NEBL: variants seen among roughly 807,000 people sequenced by gnomAD.
NEBL encodes LIM and SH3 protein 2.
A neutral mutation model predicts 140.2 loss-of-function variants in NEBL; 122 were observed. That is an observed-to-expected ratio of 0.87 (90% CI 0.75 to 1.01). The LOEUF (loss-of-function observed/expected upper bound fraction) is 1.01, where lower values mean the gene tolerates loss of function less well. Among genes scored for constraint, NEBL ranks in the 50% least tolerant of loss-of-function variants. The pLI, the probability that NEBL is intolerant of heterozygous loss-of-function variation, is 0.00. For synonymous variants in NEBL, 436 were observed against 398.9 expected (o/e 1.09, Z -1.11); for missense variants, 1,365 against 1,231.3 (o/e 1.11, Z -1.62).
chr10:21,148,340 C>T (rs574891502), intron 2 of NEBL, among the ~76,000 whole-genome samples: 1 of 152,290 alleles, frequency 6.6e-6, no homozygotes, highest in South Asian at 2.1e-4. Flanking sequence ...CAATAAGTAT[C>T]TCTTCTGTTA....
chr10:20,894,827 G>C (rs1847329253), intron 2 of NEBL, among the ~76,000 whole-genome samples: 1 of 150,718 alleles, frequency 6.6e-6, no homozygotes, highest in African/African-American at 2.4e-5. Context: ...TACTCGGGTG[G>C]CTGAGGCAGG....
intron 2 of NEBL, among the ~76,000 whole-genome samples, chr10:21,083,188 T>A (rs1371871061): frequency 6.6e-6 from 1 of 152,196 alleles, no homozygotes; most frequent in East Asian, 1.9e-4. Context: ...CTTTAGAGAA[T>A]AGAAACACAA....
At chr10:21,210,596 A>G (rs1841899214) in intron 3 of NEBL, among the ~76,000 whole-genome samples, 1 of 152,220 alleles carries the variant, frequency 6.6e-6, no homozygotes, top group South Asian at 2.1e-4. Context: ...AAATCATACA[A>G]TTAAATGTTT....
chr10:20,995,993 A>T (rs974592503), intron 3 of NEBL, among the ~76,000 whole-genome samples: 12 of 152,122 alleles, frequency 7.9e-5, no homozygotes, highest in Non-Finnish European at 1.5e-4. Context: ...AGTACCTTTT[A>T]TAAGATTCCT....
intron 2 of NEBL, among the ~76,000 whole-genome samples, chr10:21,145,323 A>T (rs1839842779): frequency 6.6e-6 from 1 of 152,236 alleles, no homozygotes. Context: ...AGTTATTTGT[A>T]TAAAGCTGTT....
chr10:21,024,705 C>A (rs561804990), intron 2 of NEBL, among the ~76,000 whole-genome samples: 1 of 152,270 alleles, frequency 6.6e-6, no homozygotes, highest in African/African-American at 2.4e-5. Flanking sequence ...CCATCAAACA[C>A]TGGATTTCTC....
intron 3 of NEBL, 83 bp from the exon 4 acceptor site, chr10:20,888,290 C>T (rs1846711710): frequency 2.4e-6 from 2 of 839,862 alleles, no homozygotes; most frequent in African/African-American, 1.7e-5. Flanking sequence ...AAAGAAGAAA[C>T]TTTCTCCCAA....
At chr10:20,868,800 C>A (rs977204237) in intron 6 of NEBL, 35 bp from the exon 7 acceptor site, 2 of 1,417,982 alleles carry the variant, frequency 1.4e-6, no homozygotes, top group African/African-American at 1.4e-5. Context: ...TTAAATATTT[C>A]TACCCTCCAA....
At chr10:21,152,609 A>G (rs780607736) in intron 2 of NEBL, among the ~76,000 whole-genome samples, 16 of 152,122 alleles carry the variant, frequency 1.1e-4, no homozygotes, top group Non-Finnish European at 1.9e-4. Context: ...AGAGCAACAA[A>G]AGCCAAAAAG....
At chr10:21,159,657 G>A (rs1157375411) in intron 2 of NEBL, among the ~76,000 whole-genome samples, 1 of 152,186 alleles carries the variant, frequency 6.6e-6, no homozygotes, top group African/African-American at 2.4e-5. Context: ...GAGGCACATG[G>A]TCTGCCATGC....
intron 3 of NEBL, among the ~76,000 whole-genome samples, chr10:21,015,994 C>T (rs115628926): frequency 0.012 from 1,869 of 152,358 alleles, 37 homozygotes; most frequent in African/African-American, 0.041. Flanking sequence ...CTGATGCCCC[C>T]GCAGGTGAAC....
At chr10:21,047,743 A>G (rs982009215) in intron 2 of NEBL, among the ~76,000 whole-genome samples, 8 of 152,144 alleles carry the variant, frequency 5.3e-5, no homozygotes, top group African/African-American at 1.9e-4. Context: ...TCTGCCACCA[A>G]CTAGCTCTGT....
rs182127635 is a variant in NEBL at position 21,043,326 on chromosome 10, G to A, written c.165-23125C>T. Among the ~76,000 whole-genome samples the A allele has an allele frequency of 3.0e-4, 46 of 152,244 alleles. 1 individual carries two copies. Among genetic ancestry groups the A allele is most frequent in the Non-Finnish European group, 4.3e-4 (29 of 68,020 alleles). ...CAAAAAAACAGCCGTCAACATTGAC[G>A]AATTTAGAAGCAGCCCTGTCAGAAT... On this transcript the variant is annotated intron_variant, in intron 2 of 6. Transcript: ENST00000417816.
intron 2 of NEBL, among the ~76,000 whole-genome samples, chr10:21,143,346 G>T (rs1839733482): frequency 6.6e-6 from 1 of 151,334 alleles, no homozygotes; most frequent in African/African-American, 2.4e-5. Context: ...CTACTTGGGA[G>T]GCTGAGGCAG....
chr10:21,204,267 T>C (rs1455268700), intron 3 of NEBL, among the ~76,000 whole-genome samples: 2 of 152,110 alleles, frequency 1.3e-5, no homozygotes, highest in Non-Finnish European at 1.5e-5. Flanking sequence ...GGACTGAACA[T>C]ATTTGTCCCC....
intron 2 of NEBL, among the ~76,000 whole-genome samples, chr10:21,144,665 T>G (rs1213914061): frequency 6.6e-6 from 1 of 151,788 alleles, no homozygotes; most frequent in African/African-American, 2.4e-5. Context: ...AGTTGGAGGT[T>G]GCAATGAGCC....
intron 3 of NEBL, among the ~76,000 whole-genome samples, chr10:21,013,074 A>G (rs527982864): frequency 6.6e-6 from 1 of 152,164 alleles, no homozygotes; most frequent in Non-Finnish European, 1.5e-5. Flanking sequence ...ATCCAGGGGT[A>G]CAATGGGGGC....
intron 5 of NEBL, among the ~76,000 whole-genome samples, chr10:20,880,253 C>T (rs1331559545): frequency 2.6e-5 from 4 of 152,112 alleles, no homozygotes; most frequent in East Asian, 3.9e-4. Flanking sequence ...CCCAGCTACT[C>T]GGGAGGCTGA....
chr10:21,283,550 G>A (rs1194424602), intron 1 of NEBL, among the ~76,000 whole-genome samples: 1 of 152,124 alleles, frequency 6.6e-6, no homozygotes, highest in African/African-American at 2.4e-5. Flanking sequence ...TAACTTTGGA[G>A]CCTGTGGTAT....
Sources: gnomAD v4.1 joint callset for allele counts (sites outside exome capture counted in the v4.1 genomes callset) on GRCh38, gnomAD v4.1.1 for gene constraint, MANE v1.5 for transcripts, NCBI Gene and HGNC (gene_info 2026-07-23, HGNC 2026-07-21) for gene names.